The following FAM117B variants were observed in gnomAD, a reference collection of about 807,000 sequenced individuals.
FAM117B encodes family with sequence similarity 117 member B.
FAM117B carries 22 observed loss-of-function variants against 52.8 expected under a neutral mutation model. The observed-to-expected ratio is 0.42, with a 90% CI of 0.30 to 0.59. The LOEUF is 0.59. FAM117B is among the 20% of genes least tolerant of loss of function. The pLI, the probability that FAM117B is intolerant of heterozygous loss-of-function variation, is 0.22. For missense variants in FAM117B, 678 were observed against 802.6 expected, an observed-to-expected ratio of 0.84 and a Z score of 1.88; for synonymous variants, 309 against 324.1, an observed-to-expected ratio of 0.95 and a Z score of 0.50.
intron 4 of FAM117B, among the ~76,000 whole-genome samples, chr2:202,744,671 T>C (rs977335726): frequency 6.6e-6 from 1 of 152,018 alleles, no homozygotes; most frequent in Admixed American, 6.6e-5. Context: ...AATAATATCC[T>C]TCAAAAATAA....
chr2:202,741,554 T>G (rs1005969049), intron 4 of FAM117B, among the ~76,000 whole-genome samples: 11 of 147,072 alleles, frequency 7.5e-5, no homozygotes, highest in African/African-American at 2.9e-4. Flanking sequence ...TTTTTTTTTT[T>G]GAGACGGAGT....
chr2:202,725,849 T>G (rs1363588021), intron 3 of FAM117B, among the ~76,000 whole-genome samples: 1 of 152,238 alleles, frequency 6.6e-6, no homozygotes, highest in African/African-American at 2.4e-5. Flanking sequence ...TTTCATGACT[T>G]GAGTTGATTT....
intron 1 of FAM117B, among the ~76,000 whole-genome samples, chr2:202,663,527 T>C (rs1690161073): frequency 6.6e-6 from 1 of 152,096 alleles, no homozygotes; most frequent in Non-Finnish European, 1.5e-5. Context: ...TTTAGTACTT[T>C]GCTGGATTAA....
chr2:202,708,492 C>T (rs1021918465), intron 2 of FAM117B, among the ~76,000 whole-genome samples: 10 of 152,174 alleles, frequency 6.6e-5, no homozygotes, highest in Non-Finnish European at 1.2e-4. Flanking sequence ...GATATTTCTA[C>T]ACCTCTGCTA....
chr2:202,651,328 C>G (rs975021748), intron 1 of FAM117B, among the ~76,000 whole-genome samples: 4 of 151,358 alleles, frequency 2.6e-5, no homozygotes, highest in Non-Finnish European at 5.9e-5. Flanking sequence ...TCCCAAAGTG[C>G]TGGATCACAG....
chr2:202,757,647 T>A (rs986760080), intron 6 of FAM117B, among the ~76,000 whole-genome samples: 6 of 152,234 alleles, frequency 3.9e-5, no homozygotes, highest in African/African-American at 1.4e-4. Flanking sequence ...CTTTTGTTAG[T>A]TTGTAGCTCT....
At chr2:202,746,945 C>A (rs1691642481) in intron 4 of FAM117B, among the ~76,000 whole-genome samples, 1 of 109,986 alleles carries the variant, frequency 9.1e-6, no homozygotes, top group African/African-American at 3.0e-5. Flanking sequence ...ACAGCCACCA[C>A]CGGAAAAAAA....
chr2:202,686,768 A>T (rs1170955678), intron 1 of FAM117B, among the ~76,000 whole-genome samples: 8 of 151,848 alleles, frequency 5.3e-5, no homozygotes, highest in Admixed American at 5.3e-4. Context: ...GATTGCCATC[A>T]CTGAACTCCA....
At position 202,635,710 on chromosome 2, in the gene FAM117B, C is replaced by G; in HGVS notation, c.523C>G (p.Arg175Gly). ...CGCGGCCCCACCCCCAGCCCGCGTC[C>G]GGCATCGGAGGAGGTCTCCGGAGCA... ...VSAAPPPARV[R>G]HRRRSPEQSR... is the part of the protein sequence containing the mutation. The change falls in exon 1 of 8, where the codon CGG (arginine) becomes GGG (glycine). Residue 175 changes from arginine to glycine, a missense_variant. Physicochemically the swap from Arg to Gly is moderately radical, Grantham distance 125. Around this residue, in one of 3 missense-constraint regions of FAM117B, gnomAD observed 583 missense variants for 644.8 expected, o/e 0.90. Transcript: ENST00000392238. 7.0e-7 allele frequency: 1 copy of G among 1,435,162 alleles called. No individual in the cohort carries two copies. The allele number at this position is 1,435,162 out of a possible 1,614,324, so 88.9% of individuals were successfully genotyped here. A position where few individuals can be genotyped will look rare whatever the true frequency, so the allele number is the denominator to read the frequency against.
intron 2 of FAM117B, among the ~76,000 whole-genome samples, chr2:202,708,702 C>T (rs1040741570): frequency 2.0e-5 from 3 of 152,126 alleles, no homozygotes; most frequent in African/African-American, 7.2e-5. Context: ...AACTTCTGAG[C>T]TCAAGTGATC....
intron 4 of FAM117B, among the ~76,000 whole-genome samples, chr2:202,728,017 C>T (rs1415923107): frequency 6.6e-6 from 1 of 151,484 alleles, no homozygotes; most frequent in African/African-American, 2.5e-5. Flanking sequence ...CTTGCTCTGT[C>T]ACCCAGGCTG....
At chr2:202,725,203 CTGAT>C (rs1212256446) in intron 3 of FAM117B, 194 bp downstream of exon 3, 2 of 399,428 alleles carry the variant, frequency 5.0e-6, no homozygotes, top group African/African-American at 4.1e-5. Context: ...TATCACTTAC[CTGAT>C]TATGTATGTT....
intron 4 of FAM117B, among the ~76,000 whole-genome samples, chr2:202,727,279 C>T (rs1442005667): frequency 6.6e-6 from 1 of 152,172 alleles, no homozygotes. Flanking sequence ...TTTTATAATA[C>T]TGGAGTTGGC....
intron 2 of FAM117B, among the ~76,000 whole-genome samples, chr2:202,697,917 T>C (rs1690737041): frequency 2.0e-5 from 3 of 152,122 alleles, no homozygotes; most frequent in Admixed American, 2.0e-4. Flanking sequence ...CCAGGCTGGA[T>C]GGAGTACAGG....
chr2:202,662,933 T>A (rs1690152371), intron 1 of FAM117B, among the ~76,000 whole-genome samples: 1 of 152,174 alleles, frequency 6.6e-6, no homozygotes, highest in African/African-American at 2.4e-5. Context: ...TATTCATGCA[T>A]TGAAACATCA....
rs570109087 is a variant in FAM117B, at chr2:202,648,953, C to T, written c.601+13165C>T. Among the ~76,000 whole-genome samples, 14 of 152,064 alleles carry T rather than the reference C, an allele frequency of 9.2e-5. No homozygotes were observed. The East Asian group carries it at 1.6e-3, about 17-fold the overall frequency. ...ATTTTTAGTAGAGATGGTGTTTCACCGTGTTGACCAGGCTGGTCTCGAGCT... is the reference window on the plus strand; with the variant it reads ...ATTTTTAGTAGAGATGGTGTTTCACTGTGTTGACCAGGCTGGTCTCGAGCT... On this transcript the variant is annotated intron_variant, in intron 1 of 7. Coordinates refer to ENST00000392238, the MANE Select transcript of FAM117B (RefSeq NM_173511.4).
In FAM117B at chr2:202,696,033, G is replaced by T. The variant is rs570923785; in HGVS notation, c.753+1G>T. 1.2e-5 allele frequency: 20 copies of T among 1,613,000 alleles called. No individual in the cohort carries two copies. Among genetic ancestry groups the T allele is most frequent in the Non-Finnish European group, 1.6e-5 (19 of 1,179,704 alleles). ...TTGCATGAGGGACAAAGCTACACAG[G>T]TAAGCTTATTATAGTTCTTATCCTG... On this transcript the variant is annotated splice_donor_variant, in intron 2 of 7. Coordinates refer to ENST00000392238, the MANE Select transcript of FAM117B (RefSeq NM_173511.4). LOFTEE classifies it high-confidence loss of function.
At chr2:202,760,339 G>A (rs951084202) in intron 7 of FAM117B, among the ~76,000 whole-genome samples, 2 of 152,194 alleles carry the variant, frequency 1.3e-5, no homozygotes, top group African/African-American at 2.4e-5. Flanking sequence ...TCAGCAGCGT[G>A]GGAAGGCTAG....
At chr2:202,741,440 AAAAAAAGAATT>A (rs1175964359) in intron 4 of FAM117B, among the ~76,000 whole-genome samples, 53 of 150,410 alleles carry the variant, frequency 3.5e-4, no homozygotes, top group Admixed American at 5.3e-4. Context: ...AAAAAAAAAA[AAAAAAAGAATT>A]GGTGATGAAG....
Sources: gnomAD v4.1 joint callset for allele counts (sites outside exome capture counted in the v4.1 genomes callset) on GRCh38, gnomAD v4.1.1 for gene constraint, gnomAD v4.1.1 regional missense constraint, MANE v1.5 for transcripts, NCBI Gene and HGNC (gene_info 2026-07-23, HGNC 2026-07-21) for gene names.